The following PIK3R6 variants were observed in gnomAD, a reference collection of about 807,000 sequenced individuals.
PIK3R6 encodes the protein phosphoinositide 3-kinase regulatory subunit 6.
Under a neutral mutation model 84.9 loss-of-function variants are expected in PIK3R6, and 91 were observed. That is an observed-to-expected ratio of 1.07 (90% CI 0.90 to 1.28). The LOEUF (loss-of-function observed/expected upper bound fraction) is 1.28, where lower values mean the gene tolerates loss of function less well. Among genes scored for constraint, PIK3R6 ranks in the 50% most tolerant of loss-of-function variants. The pLI, the probability that PIK3R6 is intolerant of heterozygous loss-of-function variation, is 0.00. For missense variants in PIK3R6, 996 were observed against 985.1 expected (o/e 1.01, Z -0.15); for synonymous variants, 416 against 411.4 (o/e 1.01, Z -0.13).
intron 1 of PIK3R6, among the ~76,000 whole-genome samples, chr17:8,854,618 G>T (rs2089077190): frequency 6.6e-6 from 1 of 152,190 alleles, no homozygotes; most frequent in Admixed American, 6.5e-5. Context: ...TCAACAAATG[G>T]TGATGGAACA....
At chr17:8,854,808 A>G (rs1389199255) in intron 1 of PIK3R6, among the ~76,000 whole-genome samples, 1 of 152,256 alleles carries the variant, frequency 6.6e-6, no homozygotes, top group Non-Finnish European at 1.5e-5. Flanking sequence ...TTTAGATACA[A>G]TACCAAAGCA....
intron 10 of PIK3R6, 43 bp downstream of exon 10, chr17:8,829,663 C>T: frequency 2.0e-6 from 3 of 1,525,026 alleles, no homozygotes; most frequent in Non-Finnish European, 2.7e-6. Flanking sequence ...CACACAGACA[C>T]AGACATATAC....
At chr17:8,846,947 A>G (rs2088828269) in intron 2 of PIK3R6, among the ~76,000 whole-genome samples, 1 of 152,164 alleles carries the variant, frequency 6.6e-6, no homozygotes, top group African/African-American at 2.4e-5. Flanking sequence ...CCCTTTCCAC[A>G]AGAGGGAATA....
At chr17:8,829,569 C>A in intron 10 of PIK3R6, 137 bp downstream of exon 10, 1 of 894,922 alleles carries the variant, frequency 1.1e-6, no homozygotes, top group Non-Finnish European at 1.7e-6. Flanking sequence ...TGCACACATA[C>A]ACACACAGAC....
chr17:8,858,451 G>A (rs550800084), intron 1 of PIK3R6, among the ~76,000 whole-genome samples: 1 of 151,750 alleles, frequency 6.6e-6, no homozygotes, highest in South Asian at 2.1e-4. Context: ...CTGAGGCTAG[G>A]AATTACAGGC....
chr17:8,808,412 C>T (rs2087264303), intron 18 of PIK3R6, among the ~76,000 whole-genome samples: 1 of 151,888 alleles, frequency 6.6e-6, no homozygotes, highest in Non-Finnish European at 1.5e-5. Flanking sequence ...CGGAAATAAT[C>T]CCCATGGATA....
In PIK3R6 at chr17:8,821,138, C is replaced by T. The variant is rs144940750; in HGVS notation, c.1879+708G>A. Among the ~76,000 whole-genome samples, 274 of 152,304 alleles carry T rather than the reference C, an allele frequency of 1.8e-3. 1 individual carries two copies. Among genetic ancestry groups the T allele is most frequent in the African/African-American group, 6.2e-3 (259 of 41,558 alleles). ...CAAAATGATCTTCTACAAGCATCAC[C>T]GGATAACATCCCCTAAGTCTAGTCT... On this transcript the variant is annotated intron_variant, in intron 17 of 19. Coordinates refer to ENST00000619866, the MANE Select transcript of PIK3R6 (RefSeq NM_001010855.4).
rs1248084545 is a variant in PIK3R6 at position 8,832,306 on chromosome 17, G to C, written c.802+583C>G. Among the ~76,000 whole-genome samples the C allele has an allele frequency of 4.0e-5, 6 of 150,162 alleles. No homozygotes were observed. In the East Asian group the frequency reaches 1.2e-3, roughly 30 times the overall value. On this transcript the variant is annotated intron_variant, in intron 9 of 19. Coordinates refer to ENST00000619866, the MANE Select transcript of PIK3R6 (RefSeq NM_001010855.4). ...TATTTAAATATATGTAAGGTGATTA[G>C]AACAGCAACTGGAGTATAGTAGGGG...
rs183962645 is a variant in PIK3R6 at position 8,805,544 on chromosome 17, C to T, written c.1996-1391G>A. 9.5e-3 allele frequency among the ~76,000 whole-genome samples: 1,447 copies of T among 152,312 alleles called. 10 individuals are homozygous for T. Among genetic ancestry groups the T allele is most frequent in the Non-Finnish European group, 0.015 (995 of 68,024 alleles). ...TGAGTAAAGACAGATTTAACAAAAC[C>T]TCTGTAAGACGGGGCAACTCCATGA... On this transcript the variant is annotated intron_variant, in intron 18 of 19. Coordinates refer to ENST00000619866, the MANE Select transcript of PIK3R6 (RefSeq NM_001010855.4).
intron 13 of PIK3R6, among the ~76,000 whole-genome samples, chr17:8,826,680 G>C (rs751842301): frequency 6.6e-6 from 1 of 152,078 alleles, no homozygotes; most frequent in Non-Finnish European, 1.5e-5. Context: ...TAATGCATGC[G>C]GGGCTTAAAA....
At chr17:8,827,749 GAGAGAGAGAGAGA>G (rs2087979515) in intron 12 of PIK3R6, among the ~76,000 whole-genome samples, 1 of 81,562 alleles carries the variant, frequency 1.2e-5, no homozygotes, top group Admixed American at 1.3e-4. Flanking sequence ...AGGGGAGAGA[GAGAGAGAGAGAGA>G]GGAGAGAGAG....
At chr17:8,860,206 C>T (rs1045042401) in intron 1 of PIK3R6, among the ~76,000 whole-genome samples, 22 of 152,020 alleles carry the variant, frequency 1.4e-4, no homozygotes, top group Admixed American at 3.9e-4. Flanking sequence ...GGCACTGATC[C>T]GTGGGCCGTT....
intron 1 of PIK3R6, among the ~76,000 whole-genome samples, chr17:8,853,000 C>T (rs1481747416): frequency 1.3e-5 from 2 of 151,314 alleles, no homozygotes; most frequent in Non-Finnish European, 2.9e-5. Context: ...TGTACAACAG[C>T]ATTCATTAAA....
chr17:8,821,973 A>AGG, intron 16 of PIK3R6, 37 bp from the exon 17 acceptor site: 2 of 1,497,532 alleles, frequency 1.3e-6, no homozygotes, highest in Non-Finnish European at 1.8e-6. Flanking sequence ...GGAGGTGCTC[A>AGG]GGACATACCC....
chr17:8,828,557 G>T lies in PIK3R6; in HGVS notation c.1313+10C>A. The stretch of plus-strand genomic sequence containing the variant: ...AGCGCCCACCCCCAGCCCCCACGTC[G>T]GGGCCCCACCTGAGTCTGTGGTAGG... On this transcript the variant is annotated intron_variant, in intron 11 of 19. Coordinates refer to ENST00000619866, the MANE Select transcript of PIK3R6 (RefSeq NM_001010855.4). The T allele has an allele frequency of 6.2e-7, 1 of 1,610,598 alleles. No homozygotes were observed.
At chr17:8,824,492 G>A (rs2087853834) in intron 13 of PIK3R6, among the ~76,000 whole-genome samples, 2 of 152,200 alleles carry the variant, frequency 1.3e-5, no homozygotes, top group Non-Finnish European at 2.9e-5. Context: ...CACATCTGGT[G>A]TACTGAAATA....
At chr17:8,865,801 A>G (rs1041644750) in intron 1 of PIK3R6, among the ~76,000 whole-genome samples, 4 of 150,802 alleles carry the variant, frequency 2.7e-5, no homozygotes, top group African/African-American at 7.3e-5. Context: ...CCCCGTGGAC[A>G]AGGACAGGCC....
intron 9 of PIK3R6, 130 bp downstream of exon 9, chr17:8,832,759 C>T: frequency 1.4e-6 from 2 of 1,424,880 alleles, no homozygotes; most frequent in Non-Finnish European, 1.9e-6. Context: ...CCCCCAGTCC[C>T]CAGGCTCCTG....
At position 8,839,523 on chromosome 17, in the gene PIK3R6, G is replaced by T; in HGVS notation, c.97+91C>A. 9.5e-7 allele frequency: 1 copy of T among 1,050,016 alleles called. No homozygotes were observed. The highest frequency in any genetic ancestry group is 1.4e-6 in the Non-Finnish European group (1 of 722,386). 65.0% of individuals were successfully genotyped at this position (1,050,016 alleles called of 1,614,324 possible). Reference sequence around the variant, plus strand: ...GACGACCCTTGCCCCCTGAGCTCCAGGCCGGGGCTCTTTCCTGTATGCGCG... The same window carrying T: ...GACGACCCTTGCCCCCTGAGCTCCATGCCGGGGCTCTTTCCTGTATGCGCG... On this transcript the variant is annotated intron_variant, in intron 3 of 19. Transcript: ENST00000619866. The surrounding 1 kb of genome is among the most constrained non-coding windows in gnomAD (Gnocchi z 4.2).
Sources: allele counts gnomAD v4.1 joint callset (sites outside exome capture counted in the v4.1 genomes callset), GRCh38; gene constraint gnomAD v4.1.1; non-coding constraint Gnocchi (gnomAD v3.1); transcripts MANE v1.5; gene names NCBI Gene and HGNC (gene_info 2026-07-23, HGNC 2026-07-21).